Variants in LARP4B observed in about 807,000 individuals in gnomAD.
LARP4B encodes the protein la-related protein 4B.
LARP4B carries 12 observed loss-of-function variants against 89.8 expected under a neutral mutation model. The ratio of observed to expected loss-of-function variants is 0.13; its 90% CI spans 0.09 to 0.22. LARP4B has a LOEUF of 0.22. Ranked by LOEUF, LARP4B falls within the 10% of genes least tolerant of loss-of-function variation. The pLI, the probability that LARP4B is intolerant of heterozygous loss-of-function variation, is 1.00. For synonymous variants in LARP4B, 367 were observed against 363.3 expected (o/e 1.01, Z -0.12); for missense variants, 757 against 947.7 (o/e 0.80, Z 2.64).
intron 8 of LARP4B, among the ~76,000 whole-genome samples, chr10:836,087 G>A (rs1833204560): frequency 6.6e-6 from 1 of 151,968 alleles, no homozygotes; most frequent in Non-Finnish European, 1.5e-5. Context: ...TCACAAAAGT[G>A]CTCTTTTTCA....
At chr10:948,515 G>A in the LARP4B span, among the ~76,000 whole-genome samples, 6 of 152,340 alleles carry the variant, frequency 3.9e-5, no homozygotes, top group East Asian at 1.9e-4. Flanking sequence ...CCCAAGTGCC[G>A]GGATTACAGG....
intron 5 of LARP4B, among the ~76,000 whole-genome samples, chr10:854,243 A>G (rs955546450): frequency 2.6e-5 from 4 of 151,996 alleles, no homozygotes; most frequent in African/African-American, 9.7e-5. Context: ...GAACCCCTCA[A>G]TGTCCTCCGT....
chr10:884,366 A>C, intron 3 of LARP4B, 81 bp downstream of exon 3: 1 of 1,010,940 alleles, frequency 9.9e-7, no homozygotes, highest in East Asian at 2.4e-5. Context: ...TTTTTGTTAC[A>C]ATAAACATTT....
intron 6 of LARP4B, among the ~76,000 whole-genome samples, chr10:844,298 C>T (rs986346036): frequency 6.6e-6 from 1 of 152,212 alleles, no homozygotes; most frequent in Non-Finnish European, 1.5e-5. Flanking sequence ...GTGCGGTATT[C>T]TCAGACTCCA....
At chr10:842,815 G>C in intron 7 of LARP4B, 117 bp downstream of exon 7, 2 of 894,360 alleles carry the variant, frequency 2.2e-6, no homozygotes, top group Non-Finnish European at 3.4e-6. Flanking sequence ...GGCCAGAAAA[G>C]AATCTGATTC....
At position 836,315 on chromosome 10, in the gene LARP4B, C is replaced by CA. The variant is rs990398165; in HGVS notation, c.750+87dup. ...TACTCAGTCTAAAAAACACACAGCC[C>CA]AAAAAAACACAAAAGTAAAATAAAA... On this transcript the variant is annotated intron_variant, in intron 8 of 17. Coordinates refer to ENST00000316157, the MANE Select transcript of LARP4B (RefSeq NM_015155.3). 8.2e-5 allele frequency: 76 copies of CA among 932,316 alleles called. No individual in the cohort carries two copies. In the East Asian group the frequency reaches 1.4e-3, roughly 17 times the overall value. 57.8% of individuals were successfully genotyped at this position (932,316 alleles called of 1,614,324 possible).
rs547302960 is a variant in LARP4B, at chr10:896,311, G to A, written c.-39-10551C>T. ...TATTCTCTCCTCACAAAACCACAGTGGAGTTTTGGTATAGCATCAAAGAAT... is the reference window on the plus strand; with the variant it reads ...TATTCTCTCCTCACAAAACCACAGTAGAGTTTTGGTATAGCATCAAAGAAT... On this transcript the variant is annotated intron_variant, in intron 1 of 17. Transcript: ENST00000316157. 2.6e-5 allele frequency among the ~76,000 whole-genome samples: 4 copies of A among 152,244 alleles called. No individual in the cohort carries two copies. In the East Asian group the frequency reaches 7.7e-4, roughly 29 times the overall value.
chr10:911,046 CTT>C (rs1349603458), intron 1 of LARP4B, among the ~76,000 whole-genome samples: 2 of 152,166 alleles, frequency 1.3e-5, no homozygotes, highest in Admixed American at 6.5e-5. Flanking sequence ...TCTGAGCAGT[CTT>C]TGTGGAAACA....
rs577456700 is a variant in LARP4B, at chr10:835,232, G to A, written c.750+1171C>T. Among the ~76,000 whole-genome samples, 19 of 152,316 alleles carry A rather than the reference G, an allele frequency of 1.2e-4. No individual in the cohort carries two copies. The East Asian group carries it at 3.1e-3, about 25-fold the overall frequency. On this transcript the variant is annotated intron_variant, in intron 8 of 17. Transcript: ENST00000316157. The stretch of plus-strand genomic sequence containing the variant: ...AGACCATACTTCTATGAGAGTAATA[G>A]AATTTCTTACGCTAGGCAGAGAGCT...
upstream of LARP4B, chr10:933,177 A>T (rs1186401494): frequency 6.6e-6 from 1 of 152,278 alleles, no homozygotes; most frequent in Non-Finnish European, 1.5e-5. Flanking sequence ...GATTGGCTAC[A>T]TATACACATA....
In LARP4B at chr10:912,059, G is replaced by A. The variant is rs114085892; in HGVS notation, c.-40+19369C>T. ...GCTGACTGGGCCACTCACCAACCTTGAGGGAATGTCCTTGCAGTGAGAAGC... is the reference window on the plus strand; with the variant it reads ...GCTGACTGGGCCACTCACCAACCTTAAGGGAATGTCCTTGCAGTGAGAAGC... On this transcript the variant is annotated intron_variant, in intron 1 of 17. Transcript: ENST00000316157. 1.7e-3 allele frequency among the ~76,000 whole-genome samples: 265 copies of A among 152,358 alleles called. 1 individual carries two copies. Among genetic ancestry groups the A allele is most frequent in the African/African-American group, 6.1e-3 (252 of 41,586 alleles).
chr10:829,599 T>A lies in LARP4B; in HGVS notation c.916-5A>T, dbSNP rs748955051. The A allele has an allele frequency of 1.2e-6, 2 of 1,613,582 alleles. No individual in the cohort carries two copies. The highest frequency in any genetic ancestry group is 2.7e-5 in the African/African-American group (2 of 74,918). ...TGCCTTTGCTTTTATCCGTGCCTGT[T>A]TGAAAATATGTAAGTTTCTATTAGA... On this transcript the variant is annotated splice_polypyrimidine_tract_variant and splice_region_variant and intron_variant, in intron 10 of 17. Transcript: ENST00000316157.
intron 13 of LARP4B, among the ~76,000 whole-genome samples, chr10:821,797 G>C (rs891161674): frequency 6.6e-6 from 1 of 152,204 alleles, no homozygotes. Context: ...AAACCTTTAG[G>C]ATTCTGGAGC....
chr10:970,162 G>C, the LARP4B span, among the ~76,000 whole-genome samples: 2 of 152,194 alleles, frequency 1.3e-5, no homozygotes, highest in Non-Finnish European at 2.9e-5. Flanking sequence ...TTACTTTCTT[G>C]CATGCCTATA....
chr10:845,630 T>TGGG (rs778126818), intron 5 of LARP4B, among the ~76,000 whole-genome samples: 65 of 152,342 alleles, frequency 4.3e-4, no homozygotes, highest in Admixed American at 2.9e-3. Context: ...AAACAAAAGC[T>TGGG]GGTTCTAAAT....
rs1026929634 is a variant in LARP4B at position 810,455 on chromosome 10, C to G, written c.*2471G>C. ...CTACAGTGTATTGACCGGAGGGCAG[C>G]AGAGCCCTCCAGTGGCGACTGGCTA... On this transcript the variant is annotated 3_prime_UTR_variant, in exon 18 of 18. Coordinates refer to ENST00000316157, the MANE Select transcript of LARP4B (RefSeq NM_015155.3). 1 of 152,228 alleles carries G rather than the reference C, an allele frequency of 6.6e-6. No homozygotes were observed. Among genetic ancestry groups the G allele is most frequent in the Non-Finnish European group, 1.5e-5 (1 of 68,048 alleles). 9.4% of individuals were successfully genotyped at this position (152,228 alleles called of 1,614,324 possible). A position where few individuals can be genotyped will look rare whatever the true frequency, so the allele number is the denominator to read the frequency against.
At chr10:831,428 C>T (rs1167273178) in intron 8 of LARP4B, among the ~76,000 whole-genome samples, 9 of 152,136 alleles carry the variant, frequency 5.9e-5, no homozygotes, top group Non-Finnish European at 8.8e-5. Context: ...AGGCCCTGAA[C>T]CCCAGCGTGA....
At chr10:946,141 C>T in the LARP4B span, among the ~76,000 whole-genome samples, 1 of 152,120 alleles carries the variant, frequency 6.6e-6, no homozygotes, top group Non-Finnish European at 1.5e-5. Context: ...GGATAAATCC[C>T]GGAAAAAAGG....
chr10:867,310 G>A (rs548200761), intron 3 of LARP4B, among the ~76,000 whole-genome samples: 123 of 152,292 alleles, frequency 8.1e-4, no homozygotes, highest in African/African-American at 2.6e-3. Context: ...CTTGGAGGTC[G>A]TTATTCACTG....
Sources: gnomAD v4.1 joint callset for allele counts (sites outside exome capture counted in the v4.1 genomes callset) on GRCh38, gnomAD v4.1.1 for gene constraint, MANE v1.5 for transcripts, NCBI Gene and HGNC (gene_info 2026-07-23, HGNC 2026-07-21) for gene names.